Variants in LPIN1 observed in about 807,000 individuals in gnomAD.
LPIN1 encodes the protein phosphatidate phosphatase LPIN1.
In LPIN1, 71 loss-of-function variants were observed where a neutral mutation model predicts 107.5. The observed-to-expected ratio is 0.66, with a 90% confidence interval of 0.55 to 0.80. The LOEUF (loss-of-function observed/expected upper bound fraction) is 0.80. Ranked by LOEUF, LPIN1 falls within the 30% of genes least tolerant of loss-of-function variation. LPIN1 has a pLI of 0.00. For synonymous variants in LPIN1, 445 were observed against 452.6 expected (o/e 0.98, Z 0.21); for missense variants, 1,043 against 1,160.6 (o/e 0.90, Z 1.47).
intron 6 of LPIN1, among the ~76,000 whole-genome samples, 179 bp downstream of exon 6, chr2:11,776,372 T>G (rs1672681161): frequency 6.6e-6 from 1 of 152,130 alleles, no homozygotes; most frequent in Non-Finnish European, 1.5e-5. Context: ...AAATTACTTA[T>G]GAAAAATATG....
chr2:11,717,786 A>G (rs148269335), intron 2 of LPIN1, among the ~76,000 whole-genome samples: 326 of 152,092 alleles, frequency 2.1e-3, no homozygotes, highest in African/African-American at 7.8e-3. Flanking sequence ...TTTCTGTTTG[A>G]GAGCTGACAA....
At chr2:11,787,219 TCATGTTTTCAAATAGAC>T (rs1558912876) in intron 11 of LPIN1, 52 bp downstream of exon 11, 2 of 1,231,504 alleles carry the variant, frequency 1.6e-6, no homozygotes. Context: ...TGTTTCTGTT[TCATGTTTTCAAATAGAC>T]CTAGACATTA....
intron 2 of LPIN1, among the ~76,000 whole-genome samples, chr2:11,715,862 G>A (rs1160627400): frequency 6.6e-6 from 1 of 152,094 alleles, no homozygotes; most frequent in African/African-American, 2.4e-5. Context: ...CTTTTCTGAG[G>A]ACCTTGAACT....
intron 1 of LPIN1, among the ~76,000 whole-genome samples, chr2:11,734,007 C>A (rs1202979965): frequency 6.6e-6 from 1 of 152,234 alleles, no homozygotes; most frequent in African/African-American, 2.4e-5. Flanking sequence ...CAAAGCCAAC[C>A]TTTCTGATGT....
chr2:11,787,907 G>A (rs1674936694), intron 11 of LPIN1, among the ~76,000 whole-genome samples: 1 of 150,436 alleles, frequency 6.6e-6, no homozygotes. Context: ...CGCCACTGCA[G>A]TCTGGCCTGG....
chr2:11,780,028 A>G (rs1313709295), intron 7 of LPIN1, among the ~76,000 whole-genome samples: 1 of 152,140 alleles, frequency 6.6e-6, no homozygotes, highest in Non-Finnish European at 1.5e-5. Flanking sequence ...TTACAGGCGC[A>G]TGCCACCACG....
intron 11 of LPIN1, among the ~76,000 whole-genome samples, chr2:11,787,388 T>TTTTC (rs1174305702): frequency 7.5e-6 from 1 of 133,936 alleles, no homozygotes; most frequent in African/African-American, 3.0e-5. Context: ...TTTTCTTTTC[T>TTTTC]TTTCTTTTTC....
intron 1 of LPIN1, among the ~76,000 whole-genome samples, chr2:11,739,860 A>G (rs1363042181): frequency 1.3e-5 from 2 of 152,242 alleles, no homozygotes; most frequent in Non-Finnish European, 1.5e-5. Flanking sequence ...TTATATAACC[A>G]TATGCGAATG....
At chr2:11,759,755 G>A (rs1281616498) in intron 1 of LPIN1, among the ~76,000 whole-genome samples, 19 of 151,670 alleles carry the variant, frequency 1.3e-4, no homozygotes, top group East Asian at 1.2e-3. Context: ...CAGAAGGGGC[G>A]GCTGGGCAGA....
rs1029993027 is a variant in LPIN1 at position 11,767,656 on chromosome 2, A to C, written c.193-107A>C. The C allele has an allele frequency of 7.9e-6, 6 of 761,718 alleles. No homozygotes were observed. In the Admixed American group the frequency reaches 1.1e-4, roughly 14 times the overall value. 47.2% of individuals were successfully genotyped at this position (761,718 alleles called of 1,614,324 possible). A position where few individuals can be genotyped will look rare whatever the true frequency, so the allele number is the denominator to read the frequency against. On this transcript the variant is annotated intron_variant, in intron 2 of 20. Transcript: ENST00000674199. Reference sequence around the variant, plus strand: ...GAGACTGGGAGTTGTGTGGCACTTCAGGGTGTATGCGATGATAGCGTATCT... The same window carrying C: ...GAGACTGGGAGTTGTGTGGCACTTCCGGGTGTATGCGATGATAGCGTATCT...
intron 2 of LPIN1, chr2:11,767,558 G>A: frequency 1.6e-6 from 1 of 610,114 alleles, no homozygotes; most frequent in African/African-American, 1.8e-5. Context: ...TTCCTGGTCA[G>A]GGACCTGCCC....
In LPIN1 at chr2:11,771,317, G is replaced by A; in HGVS notation, c.289-55G>A. 1 of 1,584,190 alleles carries A rather than the reference G, an allele frequency of 6.3e-7. No homozygotes were observed. Among genetic ancestry groups the A allele is most frequent in the Non-Finnish European group, 8.7e-7 (1 of 1,153,390 alleles). On this transcript the variant is annotated intron_variant, in intron 3 of 20. Transcript: ENST00000674199. This position sits in a 1 kb window ranked among gnomAD's most constrained non-coding sequence, Gnocchi z 4.8. ...TCCTGGAGGCCTCTGGCAAGGCCCT[G>A]CTTCTTATACCTGAATTAACGAGGC... is the stretch of plus-strand genomic sequence containing the variant.
Position 11,824,751 on chromosome 2 carries a change from C to T in LPIN1, c.2741C>T (p.Pro914Leu). The change falls in exon 21 of 21, where the codon CCA becomes CTA. Residue 914 changes from proline (P) to leucine (L), a missense_variant. Physicochemically the swap from Pro to Leu is moderately conservative, Grantham distance 98. Transcript: ENST00000674199. The part of the protein sequence containing the change: ...SNFTFWREPL[P>L]PFENQDIHSA... ...TTCACCTTTTGGAGAGAGCCACTGC[C>T]ACCTTTTGAAAACCAGGACATTCAT... 2 of 1,614,212 alleles carry T rather than the reference C, an allele frequency of 1.2e-6. No individual in the cohort carries two copies. Among genetic ancestry groups the T allele is most frequent in the South Asian group, 1.1e-5 (1 of 91,088 alleles).
Position 11,803,053 on chromosome 2 carries a change from C to T in LPIN1, c.2013+20C>T, listed in dbSNP as rs539186329. The T allele has an allele frequency of 1.4e-4, 227 of 1,611,726 alleles. 2 individuals carry two copies. The South Asian group carries it at 2.2e-3, about 16-fold the overall frequency. ...CAGCTTGTGAGTCTCCCATGCTTGG[C>T]GCGGCTGTGTTGTGAGCACATGAGG... On this transcript the variant is annotated intron_variant, in intron 15 of 20. Transcript: ENST00000674199. The surrounding 1 kb of genome is among the most constrained non-coding windows in gnomAD (Gnocchi z 4.2).
At chr2:11,819,642 C>A in intron 19 of LPIN1, 44 bp downstream of exon 19, 1 of 1,363,970 alleles carries the variant, frequency 7.3e-7, no homozygotes, top group Non-Finnish European at 1.1e-6. Context: ...AAATGACTGC[C>A]TTTTCTGGTT....
intron 1 of LPIN1, among the ~76,000 whole-genome samples, chr2:11,689,024 C>T (rs566871873): frequency 2.0e-5 from 3 of 152,310 alleles, no homozygotes; most frequent in Admixed American, 2.0e-4. Context: ...ATTTGAGCAG[C>T]CGACTTGTAT....
rs186703596 is a variant in LPIN1 at position 11,799,292 on chromosome 2, G to A, written c.1887-3615G>A. On this transcript the variant is annotated intron_variant, in intron 14 of 20. Transcript: ENST00000674199. ...AGCAGATGGAAATCACAGCTATTCC[G>A]CCTTGCCTCCTCATCCCGCCGGCAG... 3.3e-5 allele frequency among the ~76,000 whole-genome samples: 5 copies of A among 151,950 alleles called. No individual in the cohort carries two copies. In the East Asian group the frequency reaches 9.7e-4, roughly 29 times the overall value.
At chr2:11,763,458 C>T (rs1369600866) in intron 1 of LPIN1, among the ~76,000 whole-genome samples, 1 of 152,208 alleles carries the variant, frequency 6.6e-6, no homozygotes, top group African/African-American at 2.4e-5. Context: ...ACGGCGGCAG[C>T]TCGCAGTCCA....
intron 1 of LPIN1, among the ~76,000 whole-genome samples, chr2:11,750,116 C>T (rs765579627): frequency 2.0e-5 from 3 of 152,238 alleles, no homozygotes; most frequent in South Asian, 2.1e-4. Flanking sequence ...TGGAAGCCCT[C>T]GCACCTCTCC....
Sources: gnomAD v4.1 joint callset for allele counts (sites outside exome capture counted in the v4.1 genomes callset) on GRCh38, gnomAD v4.1.1 for gene constraint, Gnocchi (gnomAD v3.1) non-coding constraint, MANE v1.5 for transcripts, NCBI Gene and HGNC (gene_info 2026-07-23, HGNC 2026-07-21) for gene names.